ADGRL3: variants seen among roughly 807,000 people sequenced by gnomAD.
ADGRL3 encodes adhesion G protein-coupled receptor L3.
ADGRL3 carries 62 observed loss-of-function variants against 153.5 expected under a neutral mutation model. That is an observed-to-expected ratio of 0.40 (90% CI 0.33 to 0.50). ADGRL3 has a LOEUF of 0.50. Among genes scored for constraint, ADGRL3 ranks in the 20% least tolerant of loss-of-function variants. The probability of loss-of-function intolerance (pLI) is 0.47; values close to 1 mark genes in which losing one functional copy is unlikely to be tolerated. For missense variants in ADGRL3, 1,641 were observed against 1,859.4 expected, an observed-to-expected ratio of 0.88 and a Z score of 2.16; for synonymous variants, 710 against 672.5, an observed-to-expected ratio of 1.06 and a Z score of -0.86.
chr4:61,286,106 G>A (rs1447792133), intron 1 of ADGRL3, among the ~76,000 whole-genome samples: 2 of 151,098 alleles, frequency 1.3e-5, no homozygotes, highest in South Asian at 4.2e-4. Flanking sequence ...AAAATATTTT[G>A]ATTTATTCTG....
chr4:61,410,647 A>G (rs957391029), intron 2 of ADGRL3, among the ~76,000 whole-genome samples: 4 of 152,216 alleles, frequency 2.6e-5, no homozygotes, highest in African/African-American at 9.6e-5. Flanking sequence ...CGTGGTGGAC[A>G]GGTGATCTCC....
intron 1 of ADGRL3, among the ~76,000 whole-genome samples, chr4:61,341,505 G>A (rs1360817595): frequency 6.6e-6 from 1 of 150,752 alleles, no homozygotes; most frequent in African/African-American, 2.4e-5. Flanking sequence ...CATATATGGG[G>A]CATCATATAT....
At chr4:61,915,218 T>A (rs1161985259) in intron 13 of ADGRL3, among the ~76,000 whole-genome samples, 1 of 149,794 alleles carries the variant, frequency 6.7e-6, no homozygotes, top group African/African-American at 2.4e-5. Context: ...TGGGGAAAAA[T>A]TGCTTTGGGA....
chr4:61,407,065 T>C (rs948648445), intron 2 of ADGRL3, among the ~76,000 whole-genome samples: 2 of 152,088 alleles, frequency 1.3e-5, no homozygotes, highest in Non-Finnish European at 2.9e-5. Flanking sequence ...GTTAGGCAAA[T>C]AATTATACAA....
intron 4 of ADGRL3, among the ~76,000 whole-genome samples, chr4:61,536,674 A>C (rs967647192): frequency 6.6e-6 from 1 of 151,864 alleles, no homozygotes; most frequent in Non-Finnish European, 1.5e-5. Context: ...GTTGGTTTAA[A>C]GTGTCTTTTA....
chr4:61,379,403 C>G (rs1278228877), intron 1 of ADGRL3, among the ~76,000 whole-genome samples: 2 of 151,852 alleles, frequency 1.3e-5, no homozygotes, highest in Non-Finnish European at 2.9e-5. Flanking sequence ...TTAGTAATAC[C>G]TAATATGTAA....
At chr4:61,506,902 A>C (rs1259506199) in intron 3 of ADGRL3, among the ~76,000 whole-genome samples, 1 of 152,092 alleles carries the variant, frequency 6.6e-6, no homozygotes, top group Non-Finnish European at 1.5e-5. Flanking sequence ...TGAGGAAAAA[A>C]CCTAATGATT....
At chr4:61,818,733 T>C (rs1483414882) in intron 9 of ADGRL3, among the ~76,000 whole-genome samples, 2 of 152,126 alleles carry the variant, frequency 1.3e-5, no homozygotes, top group Admixed American at 1.3e-4. Flanking sequence ...TCCTGATAGA[T>C]TCTACTTCTT....
At chr4:61,368,572 T>G (rs1266960577) in intron 1 of ADGRL3, among the ~76,000 whole-genome samples, 1 of 151,752 alleles carries the variant, frequency 6.6e-6, no homozygotes, top group Non-Finnish European at 1.5e-5. Context: ...GGCTCTGTTC[T>G]GTTCCATTGA....
intron 8 of ADGRL3, among the ~76,000 whole-genome samples, chr4:61,761,759 A>G (rs757959331): frequency 6.6e-6 from 1 of 152,214 alleles, no homozygotes; most frequent in Middle Eastern, 3.4e-3. Context: ...GTGCGACCCC[A>G]TCTCTACAAA....
intron 20 of ADGRL3, among the ~76,000 whole-genome samples, chr4:61,996,873 C>T (rs2099123504): frequency 6.6e-6 from 1 of 152,054 alleles, no homozygotes; most frequent in Admixed American, 6.6e-5. Flanking sequence ...ATCATGCTTC[C>T]TTTTCTGTTT....
chr4:61,209,191 A>T (rs1274288807), intron 1 of ADGRL3, among the ~76,000 whole-genome samples: 1 of 152,094 alleles, frequency 6.6e-6, no homozygotes, highest in East Asian at 1.9e-4. Context: ...GTGTTGTAGA[A>T]ATTAAATTAT....
chr4:61,791,168 A>G (rs1277512253), intron 8 of ADGRL3, among the ~76,000 whole-genome samples: 16 of 152,276 alleles, frequency 1.1e-4, no homozygotes. Flanking sequence ...TCAAAAGTCC[A>G]CAGTCCAAAG....
At chr4:61,876,799 C>A (rs780497815) in intron 9 of ADGRL3, among the ~76,000 whole-genome samples, 2 of 150,978 alleles carry the variant, frequency 1.3e-5, no homozygotes, top group African/African-American at 4.9e-5. Flanking sequence ...TTTAGCATAT[C>A]ATCAAGAAAT....
intron 8 of ADGRL3, among the ~76,000 whole-genome samples, chr4:61,745,274 G>A (rs1483816083): frequency 2.0e-5 from 3 of 152,146 alleles, no homozygotes; most frequent in African/African-American, 7.2e-5. Flanking sequence ...AACCAAGTTG[G>A]AAAACACTCT....
intron 2 of ADGRL3, among the ~76,000 whole-genome samples, chr4:61,433,501 A>C (rs985344653): frequency 9.9e-5 from 15 of 152,148 alleles, no homozygotes; most frequent in Non-Finnish European, 2.2e-4. Context: ...TTTTTTCTGA[A>C]AACTTTTTTT....
intron 1 of ADGRL3, among the ~76,000 whole-genome samples, chr4:61,223,369 TACAACTTACA>T (rs1476502404): frequency 6.6e-6 from 1 of 152,238 alleles, no homozygotes; most frequent in Non-Finnish European, 1.5e-5. Context: ...CAGTTACGGA[TACAACTTACA>T]ATATAAGCAG....
intron 25 of ADGRL3, among the ~76,000 whole-genome samples, chr4:62,058,753 C>T (rs1738447371): frequency 6.6e-6 from 1 of 152,068 alleles, no homozygotes; most frequent in South Asian, 2.1e-4. Flanking sequence ...AAGTCTTCAA[C>T]AATTTCGCAG....
chr4:61,670,743 A>T lies in ADGRL3; in HGVS notation c.474-6083A>T, dbSNP rs141319679. Among the ~76,000 whole-genome samples the T allele has an allele frequency of 2.6e-3, 395 of 152,270 alleles. 4 individuals are homozygous for T. The highest frequency in any genetic ancestry group is 9.2e-3 in the African/African-American group (383 of 41,548). ...AAGAGTCTTCTGTAGGTTCTGCCTT[A>T]ATGGGAGAGGTAAAGTTCCCCCCAG... On this transcript the variant is annotated intron_variant, in intron 5 of 26. Transcript: ENST00000683033.
Sources: allele counts gnomAD v4.1 joint callset (sites outside exome capture counted in the v4.1 genomes callset), GRCh38; gene constraint gnomAD v4.1.1; transcripts MANE v1.5; gene names NCBI Gene and HGNC (gene_info 2026-07-23, HGNC 2026-07-21).